The following PDLIM1 variants were observed in gnomAD, a reference collection of about 807,000 sequenced individuals.
PDLIM1 encodes PDZ and LIM domain 1, also known as PDZ and LIM domain protein 1.
In PDLIM1, 25 loss-of-function variants were observed where a neutral mutation model predicts 35.2. That is an observed-to-expected ratio of 0.71 (90% CI 0.52 to 0.99). The LOEUF (loss-of-function observed/expected upper bound fraction) is 0.99. PDLIM1 is among the 50% of genes least tolerant of loss of function. PDLIM1 has a pLI of 0.00. For synonymous variants in PDLIM1, 152 were observed against 154.0 expected (o/e 0.99, Z 0.10); for missense variants, 363 against 415.3 (o/e 0.87, Z 1.09).
In PDLIM1 at chr10:95,263,918, T is replaced by C; in HGVS notation, c.479A>G (p.Asn160Ser). ...LYSSENISNF[N>S]NALESKTAAS... is the part of the protein sequence containing the mutation. ...AGCAGTCTTTGACTCCAGGGCATTG[T>C]TGAAGTTGGAGATATTTTCAGAAGA... Residue 160 changes from asparagine to serine, a missense_variant, in exon 4 of 7, where the codon AAC (asparagine) becomes AGC (serine). Transcript: ENST00000329399. 1 of 1,613,916 alleles carries C rather than the reference T, an allele frequency of 6.2e-7. No homozygotes were observed. Among genetic ancestry groups the C allele is most frequent in the Non-Finnish European group, 8.5e-7 (1 of 1,179,974 alleles).
intron 5 of PDLIM1, among the ~76,000 whole-genome samples, chr10:95,242,045 A>G (rs1438667807): frequency 2.6e-5 from 4 of 152,210 alleles, no homozygotes; most frequent in Admixed American, 6.5e-5. Flanking sequence ...AGCTGGGACT[A>G]TTCATCGCTG....
chr10:95,244,788 T>C (rs45605732), intron 5 of PDLIM1, among the ~76,000 whole-genome samples: 71 of 152,216 alleles, frequency 4.7e-4, no homozygotes, highest in African/African-American at 1.6e-3. Context: ...TAATCTCAGA[T>C]ACTTGGGAGG....
intron 4 of PDLIM1, 29 bp downstream of exon 4, chr10:95,263,835 G>A: frequency 6.3e-7 from 1 of 1,576,284 alleles, no homozygotes; most frequent in African/African-American, 1.3e-5. Flanking sequence ...CCCAGGAGCG[G>A]CTCAGAGGAG....
At chr10:95,275,026 C>T (rs1157913992) in intron 1 of PDLIM1, among the ~76,000 whole-genome samples, 1 of 152,174 alleles carries the variant, frequency 6.6e-6, no homozygotes, top group East Asian at 1.9e-4. Flanking sequence ...AGCCATTATT[C>T]CAGAGCTCAC....
In PDLIM1 at chr10:95,259,610, G is replaced by A. The variant is rs558205085; in HGVS notation, c.533+4254C>T. Among the ~76,000 whole-genome samples, 4 of 152,288 alleles carry A rather than the reference G, an allele frequency of 2.6e-5. No homozygotes were observed. In the East Asian group the frequency reaches 5.8e-4, roughly 22 times the overall value. On this transcript the variant is annotated intron_variant, in intron 4 of 6. Coordinates refer to ENST00000329399, the MANE Select transcript of PDLIM1 (RefSeq NM_020992.4). ...ACCAGGAGAAGAGAGAGGAATGCCC[G>A]CACAGCAGAGCCAGTTTTCTGTGGG...
intron 4 of PDLIM1, among the ~76,000 whole-genome samples, chr10:95,263,362 G>C (rs1402765156): frequency 6.6e-6 from 1 of 152,032 alleles, no homozygotes; most frequent in Admixed American, 6.5e-5. Context: ...CTTCTTTCAT[G>C]ACCTCTGGTC....
rs369372079 is a variant in PDLIM1 at position 95,268,693 on chromosome 10, G to C, written c.333+85C>G. 3 of 877,780 alleles carry C rather than the reference G, an allele frequency of 3.4e-6. No individual in the cohort carries two copies. In the African/African-American group the frequency reaches 4.9e-5, roughly 14 times the overall value. 54.4% of individuals were successfully genotyped at this position (877,780 alleles called of 1,614,324 possible). On this transcript the variant is annotated intron_variant, in intron 3 of 6. Coordinates refer to ENST00000329399, the MANE Select transcript of PDLIM1 (RefSeq NM_020992.4). The stretch of plus-strand genomic sequence containing the variant: ...GTCTTATCCCCAGGCCTCCAGGGCA[G>C]GAAAAACAGGAATGTGCTGAGCAGT...
At chr10:95,247,689 A>T (rs61478963) in intron 4 of PDLIM1, 4,631 of 195,954 alleles carry the variant, frequency 0.024, 190 homozygotes, top group African/African-American at 0.095. Context: ...GTCCAGAGAA[A>T]ATTTAGAGAA....
intron 4 of PDLIM1, among the ~76,000 whole-genome samples, chr10:95,258,256 A>G (rs749621608): frequency 2.0e-5 from 3 of 152,062 alleles, no homozygotes; most frequent in African/African-American, 7.3e-5. Context: ...CAGACAAACC[A>G]TATCAACATG....
intron 1 of PDLIM1, among the ~76,000 whole-genome samples, chr10:95,279,466 T>C (rs922843562): frequency 4.6e-5 from 7 of 152,248 alleles, no homozygotes; most frequent in Non-Finnish European, 1.0e-4. Context: ...AAAAAATAAT[T>C]GAGCAGAGCT....
intron 3 of PDLIM1, among the ~76,000 whole-genome samples, chr10:95,266,622 G>T (rs1272263001): frequency 1.3e-5 from 2 of 152,140 alleles, no homozygotes; most frequent in African/African-American, 4.8e-5. Context: ...CAAGTACAGT[G>T]CCTGGCTCGT....
At chr10:95,245,801 A>T (rs2035214233) in intron 5 of PDLIM1, among the ~76,000 whole-genome samples, 1 of 152,084 alleles carries the variant, frequency 6.6e-6, no homozygotes, top group South Asian at 2.1e-4. Context: ...GTAAACTGCC[A>T]CTCTCTCTAA....
chr10:95,242,519 T>G (rs1417568350), intron 5 of PDLIM1, among the ~76,000 whole-genome samples: 4 of 151,870 alleles, frequency 2.6e-5, no homozygotes, highest in Non-Finnish European at 5.9e-5. Flanking sequence ...AAACCCCATC[T>G]CTACTAACAA....
At chr10:95,253,051 TA>T (rs1262096525) in intron 4 of PDLIM1, among the ~76,000 whole-genome samples, 2 of 151,870 alleles carry the variant, frequency 1.3e-5, no homozygotes, top group Admixed American at 6.6e-5. Context: ...AGGATAAACC[TA>T]AAAAAATCCA....
chr10:95,246,702 A>G (rs2035224570), intron 5 of PDLIM1, among the ~76,000 whole-genome samples: 1 of 152,214 alleles, frequency 6.6e-6, no homozygotes, highest in Admixed American at 6.5e-5. Context: ...GAACATGGCC[A>G]CAAGGGGGAG....
chr10:95,259,226 T>C (rs1278817373), intron 4 of PDLIM1, among the ~76,000 whole-genome samples: 4 of 152,222 alleles, frequency 2.6e-5, no homozygotes, highest in Non-Finnish European at 5.9e-5. Context: ...TATTATTTCC[T>C]ATAACTGCAA....
chr10:95,290,670 C>T lies in PDLIM1; in HGVS notation c.96+150G>A. 5.0e-6 allele frequency: 2 copies of T among 403,902 alleles called. No homozygotes were observed. The highest frequency in any genetic ancestry group is 9.8e-5 in the South Asian group (1 of 10,224). The allele number at this position is 403,902 out of a possible 1,614,324, so 25.0% of individuals were successfully genotyped here. On this transcript the variant is annotated intron_variant, in intron 1 of 6. Coordinates refer to ENST00000329399, the MANE Select transcript of PDLIM1 (RefSeq NM_020992.4). This position sits in a 1 kb window ranked among gnomAD's most constrained non-coding sequence, Gnocchi z 4.7. ...AGGGGCGGCGGGGAGCGGCGGGGCC[C>T]GGGCGCGCGGAGAGCGCTCAACTAA... is the stretch of plus-strand genomic sequence containing the variant.
chr10:95,237,785 G>A lies in PDLIM1; in HGVS notation c.*140C>T. On this transcript the variant is annotated 3_prime_UTR_variant, in exon 7 of 7. Coordinates refer to ENST00000329399, the MANE Select transcript of PDLIM1 (RefSeq NM_020992.4). ...AGCTGGTGTGAGTCAATTAACCAAG[G>A]CAGGGAGGGGACTCAATGTTTTACA... 1 of 661,954 alleles carries A rather than the reference G, an allele frequency of 1.5e-6. No individual in the cohort carries two copies. The allele number at this position is 661,954 out of a possible 1,614,324, so 41.0% of individuals were successfully genotyped here.
chr10:95,238,115 C>T lies in PDLIM1; in HGVS notation c.804-4G>A, dbSNP rs202155307. ...CCGCAGCTTCACAAACACACCACTACAGAAGCAAGGGAGGGAAGGGACTCC... is the reference window on the plus strand; with the variant it reads ...CCGCAGCTTCACAAACACACCACTATAGAAGCAAGGGAGGGAAGGGACTCC... On this transcript the variant is annotated splice_region_variant and splice_polypyrimidine_tract_variant and intron_variant, in intron 6 of 6. Transcript: ENST00000329399. 9.7e-4 allele frequency: 1,561 copies of T among 1,608,258 alleles called. No individual in the cohort carries two copies. The highest frequency in any genetic ancestry group is 1.2e-3 in the Non-Finnish European group (1,377 of 1,175,234).
Sources: gnomAD v4.1 joint callset for allele counts (sites outside exome capture counted in the v4.1 genomes callset) on GRCh38, gnomAD v4.1.1 for gene constraint, Gnocchi (gnomAD v3.1) non-coding constraint, MANE v1.5 for transcripts, NCBI Gene and HGNC (gene_info 2026-07-23, HGNC 2026-07-21) for gene names.